The following GRHL1 variants were observed in gnomAD, a reference collection of about 807,000 sequenced individuals.
GRHL1 encodes grainyhead like transcription factor 1.
In GRHL1, 38 loss-of-function variants were observed where a neutral mutation model predicts 75.7. The observed-to-expected ratio is 0.50, with a 90% CI of 0.39 to 0.66. The LOEUF is 0.66. Among genes scored for constraint, GRHL1 ranks in the 30% least tolerant of loss-of-function variants. GRHL1 has a pLI of 0.00. For synonymous variants in GRHL1, 266 were observed against 279.4 expected, an observed-to-expected ratio of 0.95 and a Z score of 0.48; for missense variants, 589 against 767.5, an observed-to-expected ratio of 0.77 and a Z score of 2.75.
intron 5 of GRHL1, 75 bp from the exon 6 acceptor site, chr2:9,963,811 G>A: frequency 1.0e-6 from 1 of 964,010 alleles, no homozygotes; most frequent in Non-Finnish European, 1.5e-6. Context: ...GATAGCAAAT[G>A]CTATTTATAA....
intron 1 of GRHL1, 168 bp from the exon 2 acceptor site, chr2:9,954,747 A>C (rs1324336284): frequency 1.5e-5 from 10 of 675,440 alleles, no homozygotes; most frequent in Non-Finnish European, 1.8e-5. Flanking sequence ...TGTGGGACCC[A>C]TTGGTCTGCA....
chr2:9,986,069 G>T, intron 8 of GRHL1, 55 bp from the exon 9 acceptor site: 1 of 1,322,566 alleles, frequency 7.6e-7, no homozygotes, highest in Non-Finnish European at 1.1e-6. Flanking sequence ...TTCATGAGCT[G>T]TGCTAGGTTT....
chr2:9,977,493 T>C (rs999709842), intron 8 of GRHL1, among the ~76,000 whole-genome samples: 10 of 152,182 alleles, frequency 6.6e-5, no homozygotes, highest in Admixed American at 2.0e-4. Flanking sequence ...GCTAAGTTTT[T>C]ATATTTTTGT....
chr2:9,965,455 A>T (rs77941294), intron 8 of GRHL1, 74 bp downstream of exon 8: 19 of 637,074 alleles, frequency 3.0e-5, no homozygotes, highest in South Asian at 2.3e-4. Flanking sequence ...TTGACAACTG[A>T]TTTTTTTTTT....
rs6734239 is a variant in GRHL1, at chr2:9,974,534, T to A, written c.1110+9153T>A. Among the ~76,000 whole-genome samples the A allele has an allele frequency of 2.0e-5, 3 of 152,258 alleles. No homozygotes were observed. In the South Asian group the frequency reaches 6.2e-4, roughly 32 times the overall value. On this transcript the variant is annotated intron_variant, in intron 8 of 15. Coordinates refer to ENST00000324907, the MANE Select transcript of GRHL1 (RefSeq NM_198182.3). ...CACACATGACAGCAGGCGATACTGA[T>A]GTGGGCCAGCAGGCACTCAGCTCTA... is the stretch of plus-strand genomic sequence containing the variant.
chr2:9,996,020 C>G, intron 13 of GRHL1, 50 bp downstream of exon 13: 2 of 1,113,634 alleles, frequency 1.8e-6, no homozygotes, highest in South Asian at 1.3e-5. Context: ...GAAGTGAGTT[C>G]AGAATCTATC....
At chr2:9,981,933 CA>C (rs1164320536) in intron 8 of GRHL1, among the ~76,000 whole-genome samples, 9 of 152,216 alleles carry the variant, frequency 5.9e-5, no homozygotes, top group Non-Finnish European at 1.0e-4. Context: ...AGTTCATCCA[CA>C]AATGCAAATC....
chr2:9,972,369 G>C (rs1667763342), intron 8 of GRHL1, among the ~76,000 whole-genome samples: 1 of 151,838 alleles, frequency 6.6e-6, no homozygotes, highest in African/African-American at 2.4e-5. Flanking sequence ...TTTTCGACCA[G>C]TTTTGCTACT....
In GRHL1 at chr2:9,961,229, C is replaced by T. The variant is rs772146837; in HGVS notation, c.462C>T (p.Thr154=). 4.3e-6 allele frequency: 7 copies of T among 1,613,894 alleles called. No individual in the cohort carries two copies. In the African/African-American group the frequency reaches 5.3e-5, roughly 12 times the overall value. ...TVTVSIATMP[T]HSIKTETQPH... is the part of the protein sequence containing the mutation. ...CTGTCTCCATAGCAACGATGCCTACCCACTCCATCAAGACAGAAACCCAGC... is the reference window on the plus strand; with the variant it reads ...CTGTCTCCATAGCAACGATGCCTACTCACTCCATCAAGACAGAAACCCAGC... The change falls in exon 4 of 16, where the codon ACC becomes ACT. Residue 154 remains threonine, a synonymous_variant. Coordinates refer to ENST00000324907, the MANE Select transcript of GRHL1 (RefSeq NM_198182.3).
rs946754346 is a variant in GRHL1 at position 10,000,885 on chromosome 2, T to C, written c.*178T>C. 3 of 475,958 alleles carry C rather than the reference T, an allele frequency of 6.3e-6. No homozygotes were observed. The highest frequency in any genetic ancestry group is 3.9e-5 in the Admixed American group (1 of 25,844). 29.5% of individuals were successfully genotyped at this position (475,958 alleles called of 1,614,324 possible). ...TGGCTTGGTGGTAGCATTTAATCTA[T>C]TGCATTGGTGTTTTTCAGATGAAAG... On this transcript the variant is annotated 3_prime_UTR_variant, in exon 16 of 16. Coordinates refer to ENST00000324907, the MANE Select transcript of GRHL1 (RefSeq NM_198182.3).
chr2:9,957,973 C>T (rs1362382274), intron 2 of GRHL1, among the ~76,000 whole-genome samples: 1 of 152,134 alleles, frequency 6.6e-6, no homozygotes, highest in African/African-American at 2.4e-5. Flanking sequence ...AGACAGTGAT[C>T]ATATGAAGCC....
At chr2:9,958,190 T>C (rs80240569) in intron 2 of GRHL1, among the ~76,000 whole-genome samples, 1 of 151,232 alleles carries the variant, frequency 6.6e-6, no homozygotes, top group Non-Finnish European at 1.5e-5. Flanking sequence ...TTTTTTTTTT[T>C]TGAGTCAGGA....
chr2:9,996,429 T>A, intron 14 of GRHL1, 28 bp downstream of exon 14: 1 of 1,364,666 alleles, frequency 7.3e-7, no homozygotes, highest in Non-Finnish European at 1.1e-6. Context: ...TGTAATCCCC[T>A]GTACAAAATG....
At chr2:9,970,931 G>T (rs906391135) in intron 8 of GRHL1, among the ~76,000 whole-genome samples, 1 of 152,106 alleles carries the variant, frequency 6.6e-6, no homozygotes, top group African/African-American at 2.4e-5. Context: ...GCCTGTGTTT[G>T]GATGGGAAAC....
chr2:9,953,498 C>G (rs1189452235), intron 1 of GRHL1, among the ~76,000 whole-genome samples: 1 of 152,208 alleles, frequency 6.6e-6, no homozygotes, highest in Non-Finnish European at 1.5e-5. Context: ...TGGCTTTGAA[C>G]AGTCTTTTAT....
At chr2:9,958,754 A>G in intron 2 of GRHL1, 32 bp from the exon 3 acceptor site, 5 of 1,554,886 alleles carry the variant, frequency 3.2e-6, no homozygotes, top group Non-Finnish European at 4.4e-6. Context: ...ACTGGATAAG[A>G]GCTAAATTCT....
intron 8 of GRHL1, among the ~76,000 whole-genome samples, chr2:9,977,403 C>T (rs1221493800): frequency 6.6e-6 from 1 of 152,206 alleles, no homozygotes; most frequent in Non-Finnish European, 1.5e-5. Flanking sequence ...TCACTGCAAC[C>T]TCCGCCTCCG....
In GRHL1 at chr2:9,996,338, G is replaced by C; in HGVS notation, c.1614G>C (p.Glu538Asp). The change falls in exon 14 of 16, where the codon GAG (glutamate) becomes GAC (aspartate). Residue 538 changes from glutamate (E) to aspartate (D), a missense_variant. Glu to Asp is a conservative substitution (Grantham distance 45, BLOSUM62 2). Transcript: ENST00000324907. Reference sequence around the variant, plus strand: ...TAGTGCTGCTCTACGTTCGAAAGGAGTCAGAAGAAGTCTTTGATGCCCTGA... The same window carrying C: ...TAGTGCTGCTCTACGTTCGAAAGGACTCAGAAGAAGTCTTTGATGCCCTGA... ...PKRVLLYVRK[E>D]SEEVFDALML... is the part of the protein sequence containing the mutation. 1 of 1,612,844 alleles carries C rather than the reference G, an allele frequency of 6.2e-7. No homozygotes were observed. Among genetic ancestry groups the C allele is most frequent in the Non-Finnish European group, 8.5e-7 (1 of 1,178,854 alleles).
intron 2 of GRHL1, among the ~76,000 whole-genome samples, chr2:9,958,174 CTTTTT>C (rs61051898): frequency 2.3e-5 from 3 of 130,756 alleles, no homozygotes; most frequent in Admixed American, 7.7e-5. Flanking sequence ...TTCTTTTTTT[CTTTTT>C]TTTTTTTTTT....
Sources: gnomAD v4.1 joint callset for allele counts (sites outside exome capture counted in the v4.1 genomes callset) on GRCh38, gnomAD v4.1.1 for gene constraint, MANE v1.5 for transcripts, NCBI Gene and HGNC (gene_info 2026-07-23, HGNC 2026-07-21) for gene names.